COL17A1: variants seen among roughly 807,000 people sequenced by gnomAD.
COL17A1 encodes collagen alpha-1(XVII) chain.
Under a neutral mutation model 218.4 loss-of-function variants are expected in COL17A1, and 181 were observed. The observed-to-expected ratio is 0.83, with a 90% CI of 0.73 to 0.94. COL17A1 has a LOEUF of 0.94. Among genes scored for constraint, COL17A1 ranks in the 40% least tolerant of loss-of-function variants. COL17A1 has a pLI of 0.00. For synonymous variants in COL17A1, 721 were observed against 731.0 expected (o/e 0.99, Z 0.22); for missense variants, 1,924 against 1,945.9 (o/e 0.99, Z 0.21).
At chr10:104,078,720 T>C (rs2086734062) in intron 2 of COL17A1, 134 bp from the exon 3 acceptor site, 3 of 1,259,722 alleles carry the variant, frequency 2.4e-6, no homozygotes, top group African/African-American at 3.0e-5. Context: ...CCTTGTGCTT[T>C]AAGGTGTGTG....
Position 104,053,993 on chromosome 10 carries a change from A to G in COL17A1, c.1772-11T>C. 6.2e-7 allele frequency: 1 copy of G among 1,612,438 alleles called. No individual in the cohort carries two copies. The highest frequency in any genetic ancestry group is 2.2e-5 in the East Asian group (1 of 44,878). ...AGGGCCCAGGGATACCTGTGAACAC[A>G]CAAGGATATCTCAGCCCCTGTTTTC... On this transcript the variant is annotated splice_polypyrimidine_tract_variant and intron_variant, in intron 21 of 55. Coordinates refer to ENST00000648076, the MANE Select transcript of COL17A1 (RefSeq NM_000494.4).
intron 15 of COL17A1, chr10:104,059,194 C>T (rs1164811308): frequency 4.4e-6 from 1 of 229,122 alleles, no homozygotes; most frequent in Non-Finnish European, 8.8e-6. Flanking sequence ...ATTTTCCTTC[C>T]TTTACTGACC....
intron 3 of COL17A1, among the ~76,000 whole-genome samples, chr10:104,078,079 G>A (rs1233192006): frequency 6.6e-6 from 1 of 152,170 alleles, no homozygotes; most frequent in African/African-American, 2.4e-5. Flanking sequence ...TAGCTTTTGG[G>A]CTCAGATCAA....
intron 40 of COL17A1, 126 bp downstream of exon 40, chr10:104,040,225 A>G: frequency 1.1e-6 from 1 of 925,414 alleles, no homozygotes; most frequent in Non-Finnish European, 1.8e-6. Flanking sequence ...TGAGTTCCTA[A>G]TGGGATAAGG....
chr10:104,034,866 G>A, intron 50 of COL17A1, 99 bp from the exon 51 acceptor site: 2 of 1,500,970 alleles, frequency 1.3e-6, no homozygotes, highest in South Asian at 1.2e-5. Context: ...CCTGAAAGGA[G>A]GGGATGAGGC....
In COL17A1 at chr10:104,049,439, C is replaced by A. The variant is rs998341240; in HGVS notation, c.2197G>T (p.Val733Phe). ...EPGMRGLPGAVGEPGAKGAMG... is the reference protein window; with the variant it reads ...EPGMRGLPGAFGEPGAKGAMG... ...GCTCCTTTAGCCCCGGGCTCACCAA[C>A]AGCACCAGGCAAACCTCTCATGCCA... The change falls in exon 29 of 56, where the codon GTT becomes TTT. Residue 733 changes from valine to phenylalanine, a missense_variant. Val to Phe is a conservative substitution (Grantham distance 50). Coordinates refer to ENST00000648076, the MANE Select transcript of COL17A1 (RefSeq NM_000494.4). 6.2e-7 allele frequency: 1 copy of A among 1,614,236 alleles called. No homozygotes were observed. Among genetic ancestry groups the A allele is most frequent in the African/African-American group, 1.3e-5 (1 of 75,068 alleles).
In COL17A1 at chr10:104,064,502, A is replaced by G. The variant is rs2086609667; in HGVS notation, c.702T>C (p.Tyr234=). 6.2e-7 allele frequency: 1 copy of G among 1,613,994 alleles called. No homozygotes were observed. The highest frequency in any genetic ancestry group is 8.5e-7 in the Non-Finnish European group (1 of 1,180,022). ...TLPAGSSMGT[Y]HNNMTTQSSS... is the part of the protein sequence containing the mutation. Reference sequence around the variant, plus strand: ...AGCTCTGGGTTGTCATGTTGTTGTGATAGGTCCCCATGGAGGACCCCGCGG... The same window carrying G: ...AGCTCTGGGTTGTCATGTTGTTGTGGTAGGTCCCCATGGAGGACCCCGCGG... The change falls in exon 10 of 56, where the codon TAT becomes TAC. Residue 234 remains tyrosine, a synonymous_variant. Transcript: ENST00000648076.
Position 104,041,302 on chromosome 10 carries a change from C to T in COL17A1, c.2647+1G>A. 6.2e-7 allele frequency: 1 copy of T among 1,607,266 alleles called. No homozygotes were observed. Among genetic ancestry groups the T allele is most frequent in the Non-Finnish European group, 8.5e-7 (1 of 1,177,158 alleles). ...CTCCCAGTGGTAAGCTCGGCTCTCA[C>T]CTGGTGGGCCTCGGGGTCCTGGTGG... On this transcript the variant is annotated splice_donor_variant, in intron 38 of 55. Coordinates refer to ENST00000648076, the MANE Select transcript of COL17A1 (RefSeq NM_000494.4). LOFTEE classifies it high-confidence loss of function.
rs367969153 is a variant in COL17A1, at chr10:104,074,221, A to G, written c.342T>C (p.Ser114=). Residue 114 remains serine, a synonymous_variant, in exon 6 of 56, where the codon AGT becomes AGC. Transcript: ENST00000648076. ...VTRHAYEGSS[S]GNSSPEYPRK... Reference sequence around the variant, plus strand: ...GAGGGTACTCCGGAGAAGAGTTGCCACTGGAGCTCCCTGGAGAGGGGATGA... The same window carrying G: ...GAGGGTACTCCGGAGAAGAGTTGCCGCTGGAGCTCCCTGGAGAGGGGATGA... 1 of 1,614,216 alleles carries G rather than the reference A, an allele frequency of 6.2e-7. No homozygotes were observed. The highest frequency in any genetic ancestry group is 8.5e-7 in the Non-Finnish European group (1 of 1,180,026).
intron 35 of COL17A1, 31 bp downstream of exon 35, chr10:104,043,470 G>A: frequency 6.3e-7 from 1 of 1,598,284 alleles, no homozygotes; most frequent in Non-Finnish European, 8.6e-7. Flanking sequence ...ACCTATTGCT[G>A]ATTTGGGGCA....
At chr10:104,074,319 TG>T (rs781309008) in intron 5 of COL17A1, 88 bp from the exon 6 acceptor site, 9 of 1,583,558 alleles carry the variant, frequency 5.7e-6, no homozygotes, top group Admixed American at 1.7e-5. Context: ...TACTTATTTC[TG>T]GACCTCCACA....
rs2086368000 is a variant in COL17A1 at position 104,042,301 on chromosome 10, C to T, written c.2551+119G>A. Reference sequence around the variant, plus strand: ...CCCCGGTGAAGAGCCCTGGCCCTGTCCTCCTTTTCCAAAACACACCTTTCA... The same window carrying T: ...CCCCGGTGAAGAGCCCTGGCCCTGTTCTCCTTTTCCAAAACACACCTTTCA... On this transcript the variant is annotated intron_variant, in intron 36 of 55. Coordinates refer to ENST00000648076, the MANE Select transcript of COL17A1 (RefSeq NM_000494.4). 5 of 1,082,848 alleles carry T rather than the reference C, an allele frequency of 4.6e-6. No homozygotes were observed. The Admixed American group carries it at 5.7e-5, about 12-fold the overall frequency. The allele number at this position is 1,082,848 out of a possible 1,614,324, so 67.1% of individuals were successfully genotyped here. A position where few individuals can be genotyped will look rare whatever the true frequency, so the allele number is the denominator to read the frequency against.
Position 104,041,477 on chromosome 10 carries a change from A to C in COL17A1, c.2605+8T>G. ...TCCCCACCTTCCAAAGGTCTCCAAG[A>C]TACTCACCTGGTGGCCCGCGTGGGC... On this transcript the variant is annotated splice_region_variant and intron_variant, in intron 37 of 55. Coordinates refer to ENST00000648076, the MANE Select transcript of COL17A1 (RefSeq NM_000494.4). 6.2e-7 allele frequency: 1 copy of C among 1,608,580 alleles called. No homozygotes were observed. Among genetic ancestry groups the C allele is most frequent in the South Asian group, 1.1e-5 (1 of 90,550 alleles).
rs1217690845 is a variant in COL17A1 at position 104,048,094 on chromosome 10, G to C, written c.2238C>G (p.Gly746=). ...PGAKGAMGPA[G]PDGHQGPRGE... ...CTCTTGGGCCTTGGTGTCCGTCTGG[G>C]CCAGCAGGACCTGGTAAAGTAGAAG... Residue 746 remains glycine, a synonymous_variant, in exon 30 of 56, where the codon GGC becomes GGG. Transcript: ENST00000648076. The C allele has an allele frequency of 1.2e-6, 2 of 1,614,052 alleles. No individual in the cohort carries two copies. Among genetic ancestry groups the C allele is most frequent in the African/African-American group, 2.7e-5 (2 of 74,904 alleles).
intron 9 of COL17A1, among the ~76,000 whole-genome samples, chr10:104,067,486 G>C (rs1589574076): frequency 1.3e-5 from 2 of 152,138 alleles, no homozygotes; most frequent in East Asian, 3.9e-4. Flanking sequence ...GCCAATTAAG[G>C]AATTAGAAGG....
intron 20 of COL17A1, 49 bp from the exon 21 acceptor site, chr10:104,054,167 C>T (rs769580430): frequency 6.6e-5 from 104 of 1,579,826 alleles, no homozygotes; most frequent in Middle Eastern, 6.0e-4. Flanking sequence ...AAGACTGTGC[C>T]CAATTCCCAA....
chr10:104,055,875 C>T lies in COL17A1; in HGVS notation c.1594G>A (p.Gly532Arg), dbSNP rs1215950667. Residue 532 changes from glycine (G) to arginine (R), a missense_variant, in exon 18 of 56, where the codon GGA becomes AGA. Transcript: ENST00000648076. ...DRLQGMAPAA[G>R]ADLDKIGLHS... Reference sequence around the variant, plus strand: ...AGCCCAATTTTGTCCAGGTCTGCTCCCGCCGCGGGTGCCATGCCCTGGAGG... The same window carrying T: ...AGCCCAATTTTGTCCAGGTCTGCTCTCGCCGCGGGTGCCATGCCCTGGAGG... 3 of 1,614,100 alleles carry T rather than the reference C, an allele frequency of 1.9e-6. No individual in the cohort carries two copies. Among genetic ancestry groups the T allele is most frequent in the African/African-American group, 2.7e-5 (2 of 74,926 alleles).
chr10:104,060,329 G>A lies in COL17A1; in HGVS notation c.980-49C>T, dbSNP rs776975863. On this transcript the variant is annotated intron_variant, in intron 13 of 55. Coordinates refer to ENST00000648076, the MANE Select transcript of COL17A1 (RefSeq NM_000494.4). ...GAAGGAAGGACATGTGCCAGGAGAAGGGAGAGGGGAGAAAAGACAAGAAGA... is the reference window on the plus strand; with the variant it reads ...GAAGGAAGGACATGTGCCAGGAGAAAGGAGAGGGGAGAAAAGACAAGAAGA... 5.6e-6 allele frequency: 9 copies of A among 1,608,946 alleles called. No individual in the cohort carries two copies. The African/African-American group carries it at 6.7e-5, about 12-fold the overall frequency.
chr10:104,037,025 TC>T lies in COL17A1; in HGVS notation c.3277+19del. On this transcript the variant is annotated intron_variant, in intron 47 of 55. Coordinates refer to ENST00000648076, the MANE Select transcript of COL17A1 (RefSeq NM_000494.4). Reference sequence around the variant, plus strand: ...AAAGCAAAGATAGTCCCACCCTCGATCCCCCCACAGGTGACTCACGCTGCAG... The same window carrying T: ...AAAGCAAAGATAGTCCCACCCTCGATCCCCCACAGGTGACTCACGCTGCAG... The T allele has an allele frequency of 6.3e-7, 1 of 1,594,140 alleles. No homozygotes were observed. Among genetic ancestry groups the T allele is most frequent in the Non-Finnish European group, 8.5e-7 (1 of 1,170,222 alleles).
Sources: allele counts gnomAD v4.1 joint callset (sites outside exome capture counted in the v4.1 genomes callset), GRCh38; gene constraint gnomAD v4.1.1; transcripts MANE v1.5; gene names NCBI Gene and HGNC (gene_info 2026-07-23, HGNC 2026-07-21).